Variants in FANCA observed in about 807,000 individuals in gnomAD.
FANCA encodes the protein FA complementation group A, also known as Fanconi anemia group A protein.
Under a neutral mutation model 194.3 loss-of-function variants are expected in FANCA, and 236 were observed. That is an observed-to-expected ratio of 1.21 (90% CI 1.09 to 1.35). The LOEUF (loss-of-function observed/expected upper bound fraction) is 1.35, where lower values mean the gene tolerates loss of function less well. FANCA is among the 40% of genes most tolerant of loss of function. FANCA has a pLI of 0.00. For synonymous variants in FANCA, 1,014 were observed against 715.8 expected (o/e 1.42, Z -6.65); for missense variants, 2,628 against 1,813.9 (o/e 1.45, Z -8.15).
At chr16:89,784,150 G>C (rs1433514745) in intron 15 of FANCA, among the ~76,000 whole-genome samples, 1 of 151,978 alleles carries the variant, frequency 6.6e-6, no homozygotes, top group East Asian at 1.9e-4. Context: ...AGGATCACTT[G>C]AGCTCAGTTC....
intron 17 of FANCA, among the ~76,000 whole-genome samples, chr16:89,780,815 A>G (rs1303959776): frequency 6.6e-6 from 1 of 151,876 alleles, no homozygotes; most frequent in Non-Finnish European, 1.5e-5. Context: ...TTGTACTCCC[A>G]GTTACTCAGG....
intron 10 of FANCA, 71 bp from the exon 11 acceptor site, chr16:89,796,089 A>G: frequency 6.7e-6 from 8 of 1,185,336 alleles, no homozygotes; most frequent in Non-Finnish European, 1.0e-5. Flanking sequence ...ATCCCAGCAC[A>G]AACTGTGGCT....
At chr16:89,748,979 G>A (rs550734072) in intron 32 of FANCA, among the ~76,000 whole-genome samples, 1 of 151,226 alleles carries the variant, frequency 6.6e-6, no homozygotes, top group Non-Finnish European at 1.5e-5. Flanking sequence ...TTCAAAATGT[G>A]TTACCAAACA....
chr16:89,754,861 G>A (rs1050646329), intron 30 of FANCA, among the ~76,000 whole-genome samples: 29 of 152,128 alleles, frequency 1.9e-4, no homozygotes, highest in African/African-American at 5.8e-4. Context: ...CCGTATCAGG[G>A]TCCCAGCTAC....
In FANCA at chr16:89,800,674, C is replaced by T. The variant is rs1253440635; in HGVS notation, c.793-1036G>A. Among the ~76,000 whole-genome samples the T allele has an allele frequency of 2.0e-5, 3 of 152,132 alleles. No homozygotes were observed. In the East Asian group the frequency reaches 5.8e-4, roughly 29 times the overall value. ...GAGGTCAAAATATACTACGAGGCTA[C>T]AGAAATGAAAACAGCATGAGGTTGA... On this transcript the variant is annotated intron_variant, in intron 8 of 42. Coordinates refer to ENST00000389301, the MANE Select transcript of FANCA (RefSeq NM_000135.4).
At chr16:89,757,543 A>T (rs56126256) in intron 30 of FANCA, among the ~76,000 whole-genome samples, 18,295 of 152,276 alleles carry the variant, frequency 0.12, 1,439 homozygotes, top group Middle Eastern at 0.3. Flanking sequence ...AAACAGGCAA[A>T]TCCATGAACA....
chr16:89,770,020 G>A lies in FANCA; in HGVS notation c.2321C>T (p.Pro774Leu), dbSNP rs759117757. ...CAGCACATGTGGGGCACTCAGGCTC[G>A]GGCCCTGCAACGAGAATGAGGGTGG... Reference protein sequence around the residue: ...RLCQLLRHQGPSLSAPHVLGL... With the variant: ...RLCQLLRHQGLSLSAPHVLGL... Residue 774 changes from proline (P) to leucine (L), a missense_variant, in exon 26 of 43, where the codon CCG becomes CTG. Transcript: ENST00000389301. 20 of 1,613,206 alleles carry A rather than the reference G, an allele frequency of 1.2e-5. No homozygotes were observed. Among genetic ancestry groups the A allele is most frequent in the Admixed American group, 1.7e-5 (1 of 59,946 alleles).
At chr16:89,768,966 A>G (rs1045875164) in intron 26 of FANCA, among the ~76,000 whole-genome samples, 30 of 152,080 alleles carry the variant, frequency 2.0e-4, no homozygotes, top group African/African-American at 7.2e-4. Flanking sequence ...GGTGTGGCCA[A>G]GCGCCTAGGA....
chr16:89,808,438 G>T, intron 5 of FANCA, 71 bp from the exon 6 acceptor site: 4 of 1,471,722 alleles, frequency 2.7e-6, no homozygotes, highest in Non-Finnish European at 2.8e-6. Flanking sequence ...CTTTATGAAT[G>T]CATTTTCCTA....
chr16:89,775,321 C>G (rs1168882395), intron 21 of FANCA, among the ~76,000 whole-genome samples: 1 of 152,204 alleles, frequency 6.6e-6, no homozygotes, highest in Non-Finnish European at 1.5e-5. Flanking sequence ...GCCAAAAGAG[C>G]CTGACTTCTA....
At chr16:89,784,785 A>G (rs1456853345) in intron 15 of FANCA, 69 bp downstream of exon 15, 38 of 1,251,344 alleles carry the variant, frequency 3.0e-5, no homozygotes, top group Non-Finnish European at 4.1e-5. Context: ...TGGGGAGGCC[A>G]AGGCAGTCCT....
intron 5 of FANCA, among the ~76,000 whole-genome samples, chr16:89,809,393 A>G (rs1346168401): frequency 6.6e-6 from 1 of 152,130 alleles, no homozygotes; most frequent in Non-Finnish European, 1.5e-5. Flanking sequence ...TGAAAAATCT[A>G]ATGAATTCTA....
At chr16:89,801,120 C>A (rs904518520) in intron 8 of FANCA, among the ~76,000 whole-genome samples, 9 of 151,242 alleles carry the variant, frequency 6.0e-5, no homozygotes, top group Admixed American at 2.6e-4. Flanking sequence ...CCAAGGTGGG[C>A]GGGTCATGAG....
At chr16:89,782,771 A>C in intron 17 of FANCA, 88 bp downstream of exon 17, 3 of 1,245,668 alleles carry the variant, frequency 2.4e-6, no homozygotes, top group Non-Finnish European at 3.5e-6. Flanking sequence ...GGGAAGGCTG[A>C]AAAACTCAAC....
chr16:89,761,265 A>G (rs1053480276), intron 29 of FANCA, among the ~76,000 whole-genome samples: 1 of 152,028 alleles, frequency 6.6e-6, no homozygotes, highest in Non-Finnish European at 1.5e-5. Flanking sequence ...CAAAAATACA[A>G]AAAATTAGCT....
chr16:89,794,140 C>A (rs564393430), intron 11 of FANCA, among the ~76,000 whole-genome samples: 1 of 152,332 alleles, frequency 6.6e-6, no homozygotes, highest in South Asian at 2.1e-4. Flanking sequence ...TGTTTGTTGC[C>A]TATTTGCTAT....
intron 20 of FANCA, 23 bp downstream of exon 20, chr16:89,778,778 C>G (rs1162640400): frequency 6.2e-7 from 1 of 1,609,708 alleles, no homozygotes; most frequent in African/African-American, 1.3e-5. Flanking sequence ...AGTAGTCATC[C>G]CCTTCTAACC....
At chr16:89,782,336 C>T (rs758496005) in intron 17 of FANCA, among the ~76,000 whole-genome samples, 3 of 151,180 alleles carry the variant, frequency 2.0e-5, no homozygotes, top group South Asian at 2.1e-4. Flanking sequence ...ATGGCGAAAC[C>T]CTGACTCTAT....
intron 7 of FANCA, 55 bp from the exon 8 acceptor site, chr16:89,803,396 G>T: frequency 6.7e-7 from 1 of 1,498,428 alleles, no homozygotes; most frequent in Non-Finnish European, 9.3e-7. Flanking sequence ...CCAAGCAACT[G>T]TGAATGGCAC....
Sources: gnomAD v4.1 joint callset for allele counts (sites outside exome capture counted in the v4.1 genomes callset) on GRCh38, gnomAD v4.1.1 for gene constraint, MANE v1.5 for transcripts, NCBI Gene and HGNC (gene_info 2026-07-23, HGNC 2026-07-21) for gene names.